Variants in FSTL4 observed in about 807,000 individuals in gnomAD.
FSTL4 encodes follistatin-related protein 4.
A neutral mutation model predicts 78.2 loss-of-function variants in FSTL4; 28 were observed. The observed-to-expected ratio is 0.36, with a 90% CI of 0.27 to 0.49. The LOEUF (loss-of-function observed/expected upper bound fraction) is 0.49, where lower values mean the gene tolerates loss of function less well. Among genes scored for constraint, FSTL4 ranks in the 20% least tolerant of loss-of-function variants. The pLI is 0.98. For missense variants in FSTL4, 922 were observed against 1,084.9 expected (o/e 0.85, Z 2.11); for synonymous variants, 422 against 440.5 (o/e 0.96, Z 0.53).
the FSTL4 span, among the ~76,000 whole-genome samples, chr5:133,837,569 A>T: frequency 6.6e-6 from 1 of 151,876 alleles, no homozygotes; most frequent in African/African-American, 2.4e-5. Context: ...GTAGGAAGAG[A>T]TGACCTTAAT....
chr5:133,616,552 C>T (rs1335137779), upstream of FSTL4, among the ~76,000 whole-genome samples: 1 of 152,068 alleles, frequency 6.6e-6, no homozygotes, highest in African/African-American at 2.4e-5. Context: ...CAGGCATGCA[C>T]TACCATACCC....
chr5:133,395,364 A>G (rs1449515356), intron 4 of FSTL4, among the ~76,000 whole-genome samples: 2 of 152,154 alleles, frequency 1.3e-5, no homozygotes, highest in Non-Finnish European at 2.9e-5. Context: ...ACTCACCGCG[A>G]AGGTCCGCAG....
At chr5:133,545,338 C>G (rs868383832) in intron 3 of FSTL4, among the ~76,000 whole-genome samples, 1 of 152,138 alleles carries the variant, frequency 6.6e-6, no homozygotes. Context: ...GATTAATTCT[C>G]GAGGAAGTGA....
At chr5:133,656,833 A>C in the FSTL4 span, among the ~76,000 whole-genome samples, 1 of 152,306 alleles carries the variant, frequency 6.6e-6, no homozygotes, top group African/African-American at 2.4e-5. Flanking sequence ...AGGGTGCAAG[A>C]ATAGAAGAAA....
At chr5:133,634,232 T>A in the FSTL4 span, among the ~76,000 whole-genome samples, 1 of 152,134 alleles carries the variant, frequency 6.6e-6, no homozygotes, top group Non-Finnish European at 1.5e-5. Context: ...TAGTCTAGGA[T>A]CCCTACTTGG....
chr5:133,334,279 G>A (rs749326169), intron 4 of FSTL4, among the ~76,000 whole-genome samples: 38 of 152,334 alleles, frequency 2.5e-4, no homozygotes, highest in Non-Finnish European at 4.1e-4. Flanking sequence ...TCACTGGGTC[G>A]TTCTCTTCCA....
intron 3 of FSTL4, among the ~76,000 whole-genome samples, chr5:133,542,879 T>C (rs1340582497): frequency 6.6e-6 from 1 of 152,120 alleles, no homozygotes; most frequent in Admixed American, 6.5e-5. Context: ...TTATTGGTTC[T>C]TTCAAAAATC....
chr5:133,658,626 A>G, the FSTL4 span, among the ~76,000 whole-genome samples: 33,305 of 151,938 alleles, frequency 0.22, 3,868 homozygotes, highest in Admixed American at 0.29. Flanking sequence ...CTCTGCATTT[A>G]TTAATTTCTG....
chr5:133,321,627 C>T (rs145474599), intron 4 of FSTL4, among the ~76,000 whole-genome samples: 3 of 152,312 alleles, frequency 2.0e-5, no homozygotes, highest in Admixed American at 6.5e-5. Context: ...AGGTGGATTA[C>T]CTGAGGTCAG....
intron 4 of FSTL4, among the ~76,000 whole-genome samples, chr5:133,390,185 G>C (rs140052356): frequency 1.3e-5 from 2 of 152,344 alleles, no homozygotes; most frequent in African/African-American, 4.8e-5. Flanking sequence ...GCACAACTGA[G>C]ATCACCCTGC....
chr5:133,828,273 T>C, the FSTL4 span, among the ~76,000 whole-genome samples: 1 of 152,116 alleles, frequency 6.6e-6, no homozygotes, highest in African/African-American at 2.4e-5. Context: ...ACCTTTCTTA[T>C]AAAAATTCTA....
intron 3 of FSTL4, among the ~76,000 whole-genome samples, chr5:133,447,197 G>T (rs1271825973): frequency 6.6e-6 from 1 of 152,224 alleles, no homozygotes; most frequent in South Asian, 2.1e-4. Flanking sequence ...ACCAGCCTGT[G>T]TGACAGCCGG....
chr5:133,830,586 G>A, the FSTL4 span, among the ~76,000 whole-genome samples: 1 of 152,328 alleles, frequency 6.6e-6, no homozygotes, highest in East Asian at 1.9e-4. Context: ...CACAGGCACA[G>A]AGACCATCGG....
intron 3 of FSTL4, among the ~76,000 whole-genome samples, chr5:133,408,506 G>A (rs1448048441): frequency 1.3e-5 from 2 of 151,766 alleles, no homozygotes; most frequent in African/African-American, 2.4e-5. Flanking sequence ...GCTGGAGCCA[G>A]AGGCCACGCT....
the FSTL4 span, among the ~76,000 whole-genome samples, chr5:133,707,069 T>C: frequency 6.6e-6 from 1 of 152,176 alleles, no homozygotes; most frequent in African/African-American, 2.4e-5. Context: ...TTGGGTGAGT[T>C]TCCCTCTTCT....
At chr5:133,551,161 C>T (rs958661761) in intron 3 of FSTL4, among the ~76,000 whole-genome samples, 1 of 152,106 alleles carries the variant, frequency 6.6e-6, no homozygotes. Context: ...AGACAACGGG[C>T]GAGCCACTCA....
rs556973458 is a variant in FSTL4, at chr5:133,577,771, T to C, written c.127-10552A>G. 1.5e-3 allele frequency among the ~76,000 whole-genome samples: 229 copies of C among 152,278 alleles called. 1 individual carries two copies. Among genetic ancestry groups the C allele is most frequent in the African/African-American group, 5.3e-3 (221 of 41,552 alleles). ...AAATATGAAAATTAGCTGGGCATGG[T>C]GGTGCCTACCTGTAGTCCCAGATAC... On this transcript the variant is annotated intron_variant, in intron 2 of 15. Transcript: ENST00000265342.
the FSTL4 span, among the ~76,000 whole-genome samples, chr5:133,829,299 A>G: frequency 6.6e-6 from 1 of 152,184 alleles, no homozygotes; most frequent in Non-Finnish European, 1.5e-5. Flanking sequence ...CAGGACTTGC[A>G]TCGCTTGAAC....
the FSTL4 span, among the ~76,000 whole-genome samples, chr5:133,751,644 C>T: frequency 5.3e-5 from 8 of 152,128 alleles, no homozygotes; most frequent in South Asian, 8.3e-4. Context: ...GCGCAAATTC[C>T]GGTAGCAGAT....
Sources: allele counts gnomAD v4.1 joint callset (sites outside exome capture counted in the v4.1 genomes callset), GRCh38; gene constraint gnomAD v4.1.1; transcripts MANE v1.5; gene names NCBI Gene and HGNC (gene_info 2026-07-23, HGNC 2026-07-21).